The following ROBO2 variants were observed in gnomAD, a reference collection of about 807,000 sequenced individuals.
ROBO2 encodes roundabout guidance receptor 2.
A neutral mutation model predicts 160.8 loss-of-function variants in ROBO2; 53 were observed. That is an observed-to-expected ratio of 0.33 (90% CI 0.26 to 0.41). The LOEUF is 0.41. ROBO2 is among the 10% of genes least tolerant of loss of function. The probability of loss-of-function intolerance (pLI) is 1.00; values close to 1 mark genes in which losing one functional copy is unlikely to be tolerated. For missense variants in ROBO2, 1,577 were observed against 1,722.4 expected, an observed-to-expected ratio of 0.92 and a Z score of 1.49; for synonymous variants, 664 against 611.7, an observed-to-expected ratio of 1.09 and a Z score of -1.26.
chr3:76,566,060 C>T (rs1164322882), intron 2 of ROBO2, among the ~76,000 whole-genome samples: 2 of 152,184 alleles, frequency 1.3e-5, no homozygotes, highest in African/African-American at 4.8e-5. Context: ...TTCTCCAGAA[C>T]ACATAGCTTC....
intron 2 of ROBO2, among the ~76,000 whole-genome samples, chr3:76,785,895 A>G (rs148037147): frequency 1.0e-3 from 159 of 151,434 alleles, no homozygotes; most frequent in African/African-American, 3.5e-3. Flanking sequence ...TTTCAAAAAT[A>G]CTTAACATTT....
At chr3:76,200,461 C>T (rs554724794) in intron 2 of ROBO2, among the ~76,000 whole-genome samples, 69 of 152,126 alleles carry the variant, frequency 4.5e-4, no homozygotes, top group Non-Finnish European at 9.0e-4. Context: ...TTCTCAATGG[C>T]CTTTAGCTCA....
chr3:76,440,444 C>G (rs1200904536), intron 2 of ROBO2, among the ~76,000 whole-genome samples: 2 of 151,086 alleles, frequency 1.3e-5, no homozygotes, highest in African/African-American at 4.9e-5. Flanking sequence ...TGTTCCCCTC[C>G]CTGTAAAAGT....
intron 2 of ROBO2, among the ~76,000 whole-genome samples, chr3:76,269,994 A>G (rs1358336304): frequency 6.6e-6 from 1 of 152,084 alleles, no homozygotes; most frequent in Non-Finnish European, 1.5e-5. Context: ...GGAATTGTTT[A>G]TAGTACAATT....
chr3:77,648,854 A>G (rs1035703799), exon 26 of ROBO2: 5 of 152,214 alleles, frequency 3.3e-5, no homozygotes, highest in Non-Finnish European at 5.9e-5. Flanking sequence ...GCAGGTTTAA[A>G]TGGAGGCCTG....
chr3:77,506,346 A>C (rs2088522107), intron 5 of ROBO2, among the ~76,000 whole-genome samples: 2 of 152,154 alleles, frequency 1.3e-5, no homozygotes, highest in Non-Finnish European at 2.9e-5. Context: ...CAACTTTCTA[A>C]GAGAAAGTAG....
At chr3:77,245,570 G>A (rs2089628107) in intron 2 of ROBO2, among the ~76,000 whole-genome samples, 1 of 152,180 alleles carries the variant, frequency 6.6e-6, no homozygotes, top group Non-Finnish European at 1.5e-5. Context: ...TGCTCCCAGA[G>A]CACATAATTA....
chr3:76,757,121 CAGTA>C (rs999809913), intron 2 of ROBO2, among the ~76,000 whole-genome samples: 1 of 151,678 alleles, frequency 6.6e-6, no homozygotes, highest in Non-Finnish European at 1.5e-5. Context: ...TACACCAGCT[CAGTA>C]AGCAAGATAG....
intron 2 of ROBO2, among the ~76,000 whole-genome samples, chr3:77,217,955 A>G (rs2085202716): frequency 6.6e-6 from 1 of 152,210 alleles, no homozygotes; most frequent in Non-Finnish European, 1.5e-5. Flanking sequence ...TTATTTTGAA[A>G]TTATTTATAT....
chr3:77,581,737 TTC>T (rs1296415588), intron 16 of ROBO2, among the ~76,000 whole-genome samples: 2 of 152,152 alleles, frequency 1.3e-5, no homozygotes, highest in African/African-American at 4.8e-5. Flanking sequence ...GTATTTGCAT[TTC>T]TCTGTTTTTT....
intron 2 of ROBO2, among the ~76,000 whole-genome samples, chr3:76,998,048 T>C (rs561050878): frequency 4.6e-5 from 7 of 152,248 alleles, no homozygotes; most frequent in African/African-American, 1.7e-4. Flanking sequence ...CACTGTATTC[T>C]ATTGGCCAAA....
chr3:76,533,522 C>A (rs1460965779), intron 2 of ROBO2, among the ~76,000 whole-genome samples: 1 of 152,228 alleles, frequency 6.6e-6, no homozygotes, highest in East Asian at 1.9e-4. Flanking sequence ...AGAACTATAT[C>A]ATCCGGGCAT....
intron 2 of ROBO2, among the ~76,000 whole-genome samples, chr3:76,979,575 G>A (rs916210891): frequency 6.6e-6 from 1 of 151,642 alleles, no homozygotes; most frequent in Non-Finnish European, 1.5e-5. Flanking sequence ...AATGGTATTG[G>A]GGTGTATGTG....
chr3:76,656,021 A>C, intron 2 of ROBO2, among the ~76,000 whole-genome samples: 1 of 152,268 alleles, frequency 6.6e-6, no homozygotes, highest in Admixed American at 6.5e-5. Flanking sequence ...GTTTTAAATC[A>C]TATAGATTTA....
intron 23 of ROBO2, chr3:77,631,544 C>A (rs542207005): frequency 6.6e-6 from 1 of 152,068 alleles, no homozygotes; most frequent in East Asian, 1.9e-4. Flanking sequence ...TAATGGTATA[C>A]CAACATAAAT....
At chr3:77,257,250 G>C (rs1440965937) in intron 2 of ROBO2, among the ~76,000 whole-genome samples, 1 of 152,214 alleles carries the variant, frequency 6.6e-6, no homozygotes, top group Non-Finnish European at 1.5e-5. Context: ...TCAGGGAAAA[G>C]ACCGGCTTTC....
At chr3:76,425,302 G>T (rs2076167426) in intron 2 of ROBO2, among the ~76,000 whole-genome samples, 8 of 151,916 alleles carry the variant, frequency 5.3e-5, no homozygotes, top group Admixed American at 5.3e-4. Flanking sequence ...ATAGGACCTG[G>T]ATATACTAAA....
At chr3:77,609,597 C>A (rs374941419) in intron 21 of ROBO2, among the ~76,000 whole-genome samples, 1 of 151,726 alleles carries the variant, frequency 6.6e-6, no homozygotes, top group African/African-American at 2.4e-5. Context: ...TTCCTGTAAC[C>A]CCCTGCAATA....
intron 2 of ROBO2, among the ~76,000 whole-genome samples, chr3:76,603,351 A>ATATATAT (rs1433390522): frequency 2.0e-3 from 52 of 26,386 alleles, no homozygotes; most frequent in African/African-American, 3.3e-3. Flanking sequence ...AAAAAAAAAA[A>ATATATAT]ATATATATAT....
Sources: allele counts gnomAD v4.1 joint callset (sites outside exome capture counted in the v4.1 genomes callset), GRCh38; gene constraint gnomAD v4.1.1; transcripts MANE v1.5; gene names NCBI Gene and HGNC (gene_info 2026-07-23, HGNC 2026-07-21).